Variants in INSL6 observed in about 807,000 individuals in gnomAD.
INSL6 encodes the protein insulin like 6, also known as insulin-like peptide INSL6.
A neutral mutation model predicts 9.4 loss-of-function variants in INSL6; 16 were observed. That is an observed-to-expected ratio of 1.70 (90% CI 1.15 to 2.59). INSL6 has a LOEUF of 2.59. Ranked by LOEUF, INSL6 falls within the 30% of genes most tolerant of loss-of-function variation. The pLI is 0.00. For synonymous variants in INSL6, 154 were observed against 96.9 expected, an observed-to-expected ratio of 1.59 and a Z score of -3.46; for missense variants, 391 against 257.3, an observed-to-expected ratio of 1.52 and a Z score of -3.56.
the INSL6 span, among the ~76,000 whole-genome samples, chr9:5,036,554 G>C: frequency 6.9e-3 from 1,050 of 152,054 alleles, 22 homozygotes; most frequent in African/African-American, 0.024. Context: ...AAGAAATAAT[G>C]CTACCTATCT....
chr9:5,175,299 C>A (rs1215134495), intron 1 of INSL6, among the ~76,000 whole-genome samples: 1 of 152,106 alleles, frequency 6.6e-6, no homozygotes, highest in Non-Finnish European at 1.5e-5. Flanking sequence ...CCGTGTATAA[C>A]TAGAATTTAA....
the INSL6 span, among the ~76,000 whole-genome samples, chr9:5,068,036 T>C: frequency 1.2e-4 from 18 of 152,128 alleles, no homozygotes; most frequent in African/African-American, 4.1e-4. Flanking sequence ...GGTGCGCACC[T>C]GTAGTCCCAG....
the INSL6 span, among the ~76,000 whole-genome samples, chr9:5,116,879 G>C: frequency 6.6e-6 from 1 of 152,200 alleles, no homozygotes; most frequent in Admixed American, 6.5e-5. Context: ...TGCAATAAGT[G>C]TAAGTGCAAT....
At chr9:5,102,856 TC>T in the INSL6 span, among the ~76,000 whole-genome samples, 1 of 152,162 alleles carries the variant, frequency 6.6e-6, no homozygotes. Flanking sequence ...AGAGATTTTG[TC>T]ATTACCAGGC....
At chr9:5,111,556 G>A in the INSL6 span, 8 of 365,114 alleles carry the variant, frequency 2.2e-5, no homozygotes, top group Non-Finnish European at 4.3e-5. Flanking sequence ...CCTTCTACAT[G>A]GCAGATGGCA....
At chr9:5,149,999 G>C (rs771535646) in intron 2 of INSL6, among the ~76,000 whole-genome samples, 6 of 152,184 alleles carry the variant, frequency 3.9e-5, no homozygotes, top group Non-Finnish European at 5.9e-5. Flanking sequence ...AATGGGGAAA[G>C]ATCAGTCTAG....
At position 5,180,598 on chromosome 9, in the gene INSL6, C is replaced by A. The variant is rs1825430507; in HGVS notation, c.289+4716G>T. 2.0e-5 allele frequency among the ~76,000 whole-genome samples: 3 copies of A among 152,148 alleles called. No homozygotes were observed. In the South Asian group the frequency reaches 6.2e-4, roughly 32 times the overall value. On this transcript the variant is annotated intron_variant, in intron 1 of 1. Transcript: ENST00000381641. Reference sequence around the variant, plus strand: ...CGTTGACATAAGGACTGATATACGCCCTGGTCTCCTGCAGTACCCTCAGGC... The same window carrying A: ...CGTTGACATAAGGACTGATATACGCACTGGTCTCCTGCAGTACCCTCAGGC...
At chr9:5,053,575 G>A in the INSL6 span, among the ~76,000 whole-genome samples, 2 of 151,976 alleles carry the variant, frequency 1.3e-5, no homozygotes, top group Non-Finnish European at 2.9e-5. Flanking sequence ...GTTTTAGCAA[G>A]AGCAGTTTCT....
chr9:5,109,999 A>G, the INSL6 span: 1 of 152,190 alleles, frequency 6.6e-6, no homozygotes, highest in Non-Finnish European at 1.5e-5. Flanking sequence ...CGCATCGGCG[A>G]CATTGGTTTT....
chr9:5,092,013 C>A, the INSL6 span, among the ~76,000 whole-genome samples: 3 of 152,038 alleles, frequency 2.0e-5, no homozygotes, highest in African/African-American at 7.3e-5. Flanking sequence ...AGGTGCTGAA[C>A]TGAGTTAATT....
chr9:5,032,281 T>G, the INSL6 span, among the ~76,000 whole-genome samples: 2 of 152,132 alleles, frequency 1.3e-5, no homozygotes, highest in South Asian at 4.1e-4. Context: ...CCACCACAGC[T>G]CAAGGAGGCC....
the INSL6 span, among the ~76,000 whole-genome samples, chr9:5,052,323 A>G: frequency 1.3e-5 from 2 of 152,102 alleles, no homozygotes; most frequent in Non-Finnish European, 2.9e-5. Flanking sequence ...CCTAAACCTA[A>G]TGACTATTTA....
chr9:5,143,459 T>TC (rs1824541548), intron 2 of INSL6, among the ~76,000 whole-genome samples: 1 of 152,134 alleles, frequency 6.6e-6, no homozygotes, highest in Admixed American at 6.6e-5. Flanking sequence ...TTCTATGTTT[T>TC]CCAGTTGATT....
chr9:5,104,334 G>C, the INSL6 span, among the ~76,000 whole-genome samples: 1 of 152,042 alleles, frequency 6.6e-6, no homozygotes, highest in South Asian at 2.1e-4. Flanking sequence ...TAAATTCCTG[G>C]ACACATACAC....
At chr9:5,112,352 T>C in the INSL6 span, 1 of 352,088 alleles carries the variant, frequency 2.8e-6, no homozygotes. Context: ...TTCCGACTCC[T>C]GCAGTGGGCT....
the INSL6 span, among the ~76,000 whole-genome samples, chr9:5,025,488 C>T: frequency 6.7e-6 from 1 of 150,150 alleles, no homozygotes; most frequent in Non-Finnish European, 1.5e-5. Context: ...CTCTTTCTTG[C>T]TCCTTCTTTC....
intron 2 of INSL6, among the ~76,000 whole-genome samples, chr9:5,133,954 G>C (rs192097596): frequency 1.3e-5 from 2 of 150,302 alleles, no homozygotes; most frequent in Non-Finnish European, 1.5e-5. Context: ...ACTGAAAAAA[G>C]GTTAGACAAA....
chr9:5,155,962 C>G (rs1203477827), intron 2 of INSL6, among the ~76,000 whole-genome samples: 1 of 151,724 alleles, frequency 6.6e-6, no homozygotes, highest in East Asian at 1.9e-4. Context: ...TAAACCTCAG[C>G]TAGAATAATC....
intron 1 of INSL6, among the ~76,000 whole-genome samples, chr9:5,180,273 A>C (rs999807915): frequency 1.3e-5 from 2 of 152,210 alleles, no homozygotes; most frequent in Non-Finnish European, 2.9e-5. Flanking sequence ...TAACTGTACA[A>C]ATTGATTGTA....
Sources: gnomAD v4.1 joint callset for allele counts (sites outside exome capture counted in the v4.1 genomes callset) on GRCh38, gnomAD v4.1.1 for gene constraint, MANE v1.5 for transcripts, NCBI Gene and HGNC (gene_info 2026-07-23, HGNC 2026-07-21) for gene names.